The following FAF2 variants were observed in gnomAD, a reference collection of about 807,000 sequenced individuals.
The protein encoded by FAF2 is Fas associated factor family member 2.
A neutral mutation model predicts 62.3 loss-of-function variants in FAF2; 9 were observed. That is an observed-to-expected ratio of 0.14 (90% CI 0.09 to 0.25). FAF2 has a LOEUF of 0.25. Ranked by LOEUF, FAF2 falls within the 10% of genes least tolerant of loss-of-function variation. FAF2 has a pLI of 1.00. For synonymous variants in FAF2, 202 were observed against 198.0 expected (o/e 1.02, Z -0.17); for missense variants, 368 against 556.2 (o/e 0.66, Z 3.40).
chr5:176,489,806 C>T (rs182086842), intron 4 of FAF2, among the ~76,000 whole-genome samples: 6 of 152,302 alleles, frequency 3.9e-5, no homozygotes, highest in South Asian at 2.1e-4. Flanking sequence ...CTTGGCCTCC[C>T]GAAGTGCTGG....
chr5:176,483,798 C>T (rs143485161), intron 2 of FAF2, among the ~76,000 whole-genome samples: 21 of 152,260 alleles, frequency 1.4e-4, no homozygotes, highest in East Asian at 1.2e-3. Context: ...CAGAGTTGGC[C>T]GGGTGTGGTG....
chr5:176,450,122 A>G (rs921024836), intron 1 of FAF2, among the ~76,000 whole-genome samples: 1 of 152,214 alleles, frequency 6.6e-6, no homozygotes, highest in Non-Finnish European at 1.5e-5. Context: ...ACTTTTTTGC[A>G]ATTTCCTTGA....
chr5:176,468,451 G>A (rs971700728), intron 1 of FAF2, among the ~76,000 whole-genome samples: 2 of 152,122 alleles, frequency 1.3e-5, no homozygotes, highest in South Asian at 2.1e-4. Flanking sequence ...GGGCGTGGTC[G>A]TGGGCGCCTG....
rs1758185197 is a variant in FAF2, at chr5:176,451,859, C to CACATATATATACACAT, written c.63+3390_63+3391insCATATATATACACATA. ...ATATATATACACACATATATATACA[C>CACATATATATACACAT]ATATATATATACACACATATATATA... On this transcript the variant is annotated intron_variant, in intron 1 of 10. Coordinates refer to ENST00000261942, the MANE Select transcript of FAF2 (RefSeq NM_014613.3). 1.5e-4 allele frequency among the ~76,000 whole-genome samples: 5 copies of CACATATATATACACAT among 32,938 alleles called. No individual in the cohort carries two copies. In the South Asian group the frequency reaches 4.1e-3, roughly 27 times the overall value. 21.6% of individuals were successfully genotyped at this position (32,938 alleles called of 152,430 possible).
At chr5:176,491,875 TTGGATACTGTGTC>T (rs1410553283) in intron 4 of FAF2, among the ~76,000 whole-genome samples, 1 of 152,202 alleles carries the variant, frequency 6.6e-6, no homozygotes, top group African/African-American at 2.4e-5. Flanking sequence ...CATGATCTTT[TTGGATACTGTGTC>T]TTCCCTTCCA....
chr5:176,506,108 G>A (rs755280933), intron 10 of FAF2, among the ~76,000 whole-genome samples: 4 of 150,926 alleles, frequency 2.7e-5, no homozygotes, highest in Non-Finnish European at 4.4e-5. Context: ...GGAGAATAGC[G>A]TGAACCTGGG....
chr5:176,469,847 G>T (rs1427210349), intron 1 of FAF2, among the ~76,000 whole-genome samples: 1 of 152,184 alleles, frequency 6.6e-6, no homozygotes, highest in Non-Finnish European at 1.5e-5. Flanking sequence ...TGAAGAGTTT[G>T]AAGGGAGTAT....
intron 1 of FAF2, among the ~76,000 whole-genome samples, chr5:176,475,337 T>G (rs1477954284): frequency 6.6e-6 from 1 of 152,080 alleles, no homozygotes; most frequent in Non-Finnish European, 1.5e-5. Context: ...TTCTCTATAT[T>G]GGCCAGGCTG....
intron 1 of FAF2, among the ~76,000 whole-genome samples, chr5:176,473,216 C>CATG (rs1758605289): frequency 1.3e-5 from 2 of 152,116 alleles, no homozygotes; most frequent in African/African-American, 4.8e-5. Context: ...TCTTAGGTTC[C>CATG]TCTGGGCTGT....
intron 1 of FAF2, among the ~76,000 whole-genome samples, chr5:176,470,468 G>A (rs1045482663): frequency 2.6e-5 from 4 of 152,232 alleles, no homozygotes; most frequent in African/African-American, 9.6e-5. Flanking sequence ...TGCCAGCTAC[G>A]CGGGAGGCTG....
At chr5:176,467,335 T>C (rs1286957859) in intron 1 of FAF2, among the ~76,000 whole-genome samples, 1 of 152,000 alleles carries the variant, frequency 6.6e-6, no homozygotes, top group African/African-American at 2.4e-5. Context: ...TTTTGGTTTT[T>C]TTTGGTTTTT....
At chr5:176,470,502 G>A (rs1271019451) in intron 1 of FAF2, among the ~76,000 whole-genome samples, 2 of 152,254 alleles carry the variant, frequency 1.3e-5, no homozygotes, top group African/African-American at 2.4e-5. Flanking sequence ...ACTTGAACCC[G>A]GGAGGTGGAG....
At chr5:176,483,380 A>G (rs1758815854) in intron 2 of FAF2, among the ~76,000 whole-genome samples, 1 of 152,104 alleles carries the variant, frequency 6.6e-6, no homozygotes, top group South Asian at 2.1e-4. Context: ...AGAGTTTTAT[A>G]ATTTCAGCTT....
At chr5:176,448,954 C>T (rs1380860192) in intron 1 of FAF2, among the ~76,000 whole-genome samples, 1 of 152,040 alleles carries the variant, frequency 6.6e-6, no homozygotes, top group Non-Finnish European at 1.5e-5. Context: ...GGGTTCCGGT[C>T]GGGGAGGGGG....
chr5:176,486,562 C>T lies in FAF2; in HGVS notation c.267+73C>T, dbSNP rs554197570. ...TATCCACTTGGTTATATTGATCTCC[C>T]TGTGACAGGAGCAAAACAAATATTT... On this transcript the variant is annotated intron_variant, in intron 3 of 10. Transcript: ENST00000261942. 46 of 1,465,278 alleles carry T rather than the reference C, an allele frequency of 3.1e-5. No homozygotes were observed. In the East Asian group the frequency reaches 9.9e-4, roughly 32 times the overall value. The allele number at this position is 1,465,278 out of a possible 1,614,324, so 90.8% of individuals were successfully genotyped here. A position where few individuals can be genotyped will look rare whatever the true frequency, so the allele number is the denominator to read the frequency against.
At chr5:176,479,375 AAAAAT>A (rs777903040) in intron 2 of FAF2, 119 bp downstream of exon 2, 153 of 812,486 alleles carry the variant, frequency 1.9e-4, no homozygotes, top group African/African-American at 4.8e-4. Flanking sequence ...TTATGACTCT[AAAAAT>A]AAAAGTGCAG....
chr5:176,464,321 T>A (rs922865881), intron 1 of FAF2, among the ~76,000 whole-genome samples: 1 of 152,162 alleles, frequency 6.6e-6, no homozygotes, highest in Admixed American at 6.6e-5. Flanking sequence ...ATGTGGTATT[T>A]ATGTATATTC....
chr5:176,450,658 A>T (rs1758149258), intron 1 of FAF2, among the ~76,000 whole-genome samples: 1 of 151,450 alleles, frequency 6.6e-6, no homozygotes, highest in South Asian at 2.1e-4. Context: ...GTTTCAAGCG[A>T]TTCTCCTGCC....
intron 4 of FAF2, among the ~76,000 whole-genome samples, chr5:176,491,684 G>A (rs753264177): frequency 6.6e-6 from 1 of 152,154 alleles, no homozygotes; most frequent in Non-Finnish European, 1.5e-5. Flanking sequence ...CTGTATCTCC[G>A]CTGTTCAGTA....
Sources: gnomAD v4.1 joint callset for allele counts (sites outside exome capture counted in the v4.1 genomes callset) on GRCh38, gnomAD v4.1.1 for gene constraint, MANE v1.5 for transcripts, NCBI Gene and HGNC (gene_info 2026-07-23, HGNC 2026-07-21) for gene names.